The following RALGAPA1 variants were observed in gnomAD, a reference collection of about 807,000 sequenced individuals.
RALGAPA1 encodes ral GTPase-activating protein subunit alpha-1.
In RALGAPA1, 52 loss-of-function variants were observed where a neutral mutation model predicts 269.6. The observed-to-expected ratio is 0.19, with a 90% confidence interval of 0.15 to 0.24. The LOEUF (loss-of-function observed/expected upper bound fraction) is 0.24, where lower values mean the gene tolerates loss of function less well. RALGAPA1 is among the 10% of genes least tolerant of loss of function. RALGAPA1 has a pLI of 1.00. For missense variants in RALGAPA1, 1,917 were observed against 3,013.9 expected, an observed-to-expected ratio of 0.64 and a Z score of 8.52; for synonymous variants, 817 against 1,008.3, an observed-to-expected ratio of 0.81 and a Z score of 3.60.
intron 35 of RALGAPA1, among the ~76,000 whole-genome samples, chr14:35,616,581 T>C (rs1233585889): frequency 6.6e-6 from 1 of 152,196 alleles, no homozygotes; most frequent in East Asian, 1.9e-4. Context: ...AACTTTGGAC[T>C]TCAGACACTA....
intron 1 of RALGAPA1, among the ~76,000 whole-genome samples, chr14:35,779,248 G>A (rs971836046): frequency 1.3e-5 from 2 of 152,094 alleles, no homozygotes; most frequent in Non-Finnish European, 2.9e-5. Flanking sequence ...GGCTTGGGCT[G>A]GGCAAGGTGG....
intron 10 of RALGAPA1, among the ~76,000 whole-genome samples, chr14:35,744,949 T>C (rs753347466): frequency 6.6e-6 from 1 of 152,190 alleles, no homozygotes; most frequent in Non-Finnish European, 1.5e-5. Flanking sequence ...AAAATAAAAT[T>C]TAATAATCTT....
At chr14:35,562,907 G>A (rs1488305932) in intron 39 of RALGAPA1, among the ~76,000 whole-genome samples, 1 of 151,138 alleles carries the variant, frequency 6.6e-6, no homozygotes, top group Non-Finnish European at 1.5e-5. Flanking sequence ...TGTAGTCCCA[G>A]CGACTCGGGA....
At chr14:35,699,413 T>C (rs1279965353) in intron 17 of RALGAPA1, among the ~76,000 whole-genome samples, 2 of 152,096 alleles carry the variant, frequency 1.3e-5, no homozygotes, top group African/African-American at 4.8e-5. Context: ...TAGGGGTATG[T>C]ACAATTTTCA....
Position 35,671,467 on chromosome 14 carries a change from A to G in RALGAPA1, c.5124T>C (p.Leu1708=). The change falls in exon 26 of 42, where the codon CTT becomes CTC. Residue 1708 remains leucine, a synonymous_variant. Coordinates refer to ENST00000680220, the MANE Select transcript of RALGAPA1 (RefSeq NM_001346249.2). ...TAAGCATTGTGGCACCAGGCAAACC[A>G]AGTGAAAAAAATTGAGGTGAGCAGT... ...IKHCSPQFFS[L]GLPGATMLIM... The G allele has an allele frequency of 6.2e-7, 1 of 1,604,638 alleles. No individual in the cohort carries two copies. The highest frequency in any genetic ancestry group is 8.5e-7 in the Non-Finnish European group (1 of 1,171,660).
chr14:35,760,779 C>T, intron 6 of RALGAPA1, 50 bp downstream of exon 6: 4 of 1,375,388 alleles, frequency 2.9e-6, no homozygotes, highest in Non-Finnish European at 4.1e-6. Flanking sequence ...CACTAAGAGA[C>T]TACATAGAGA....
chr14:35,651,729 C>CCTTTAATTTAAATACCTTTAAATTTTAA, intron 31 of RALGAPA1, 76 bp downstream of exon 31: 1 of 1,329,676 alleles, frequency 7.5e-7, no homozygotes, highest in East Asian at 2.5e-5. Flanking sequence ...TGTAAATATA[C>CCTTTAATTTAAATACCTTTAAATTTTAA]ATACCTTTAA....
intron 11 of RALGAPA1, among the ~76,000 whole-genome samples, chr14:35,739,589 A>G (rs757109451): frequency 1.3e-5 from 2 of 152,094 alleles, no homozygotes; most frequent in Non-Finnish European, 2.9e-5. Context: ...GCCATCACCA[A>G]ACTTGAGCTG....
At position 35,625,400 on chromosome 14, in the gene RALGAPA1, T is replaced by A; in HGVS notation, c.6890A>T (p.Lys2297Met). 1 of 1,611,320 alleles carries A rather than the reference T, an allele frequency of 6.2e-7. No homozygotes were observed. Among genetic ancestry groups the A allele is most frequent in the Non-Finnish European group, 8.5e-7 (1 of 1,179,086 alleles). The change falls in exon 35 of 42, where the codon AAG (lysine) becomes ATG (methionine). Residue 2297 changes from lysine to methionine, a missense_variant. This residue lies in a region of RALGAPA1 where 132 missense variants were observed against 271.2 expected (regional missense o/e 0.49). Transcript: ENST00000680220. ...RSFHLLKKNE[K>M]LLRELRNLDS... ...CAAGTTCCTAAGTTCTCTAAGTAGC[T>A]TTTCATTTTTCTTCAGGAGATGAAA...
At chr14:35,698,814 A>C (rs2067108919) in intron 17 of RALGAPA1, among the ~76,000 whole-genome samples, 1 of 152,202 alleles carries the variant, frequency 6.6e-6, no homozygotes, top group Non-Finnish European at 1.5e-5. Flanking sequence ...GTAAGCAACC[A>C]AAATCTGTGC....
chr14:35,581,655 T>C (rs998886469), intron 37 of RALGAPA1, among the ~76,000 whole-genome samples: 2 of 152,070 alleles, frequency 1.3e-5, no homozygotes, highest in East Asian at 1.9e-4. Context: ...AGAAGGGAAA[T>C]ACAAGTCAAA....
Position 35,574,465 on chromosome 14 carries a change from C to A in RALGAPA1, c.7210-1747G>T, listed in dbSNP as rs982203350. On this transcript the variant is annotated intron_variant, in intron 37 of 41. Transcript: ENST00000680220. ...AAGATTTCTGGCACAGAACCATGTA[C>A]ATAACAAAGTCATTCTAAACATGTT... Among the ~76,000 whole-genome samples the A allele has an allele frequency of 3.3e-5, 5 of 152,276 alleles. No homozygotes were observed. The East Asian group carries it at 7.7e-4, about 23-fold the overall frequency.
At chr14:35,707,877 A>G (rs978072956) in intron 16 of RALGAPA1, among the ~76,000 whole-genome samples, 4 of 152,098 alleles carry the variant, frequency 2.6e-5, no homozygotes, top group Non-Finnish European at 4.4e-5. Context: ...ATCAAATTTA[A>G]TTCTTTTATC....
At chr14:35,650,472 T>A (rs1213202474) in intron 31 of RALGAPA1, among the ~76,000 whole-genome samples, 2 of 152,116 alleles carry the variant, frequency 1.3e-5, no homozygotes, top group Non-Finnish European at 2.9e-5. Flanking sequence ...TGATAAAGTA[T>A]TTATCAAGAG....
chr14:35,746,547 G>A (rs1236734559), intron 10 of RALGAPA1, among the ~76,000 whole-genome samples: 1 of 152,014 alleles, frequency 6.6e-6, no homozygotes, highest in African/African-American at 2.4e-5. Context: ...TATTTGTCGG[G>A]TATACCTCAA....
intron 35 of RALGAPA1, among the ~76,000 whole-genome samples, chr14:35,613,566 T>C (rs1252591376): frequency 6.6e-6 from 1 of 152,216 alleles, no homozygotes; most frequent in Non-Finnish European, 1.5e-5. Flanking sequence ...TAGGGGAGCA[T>C]CCTTCCTTGC....
chr14:35,679,656 T>C (rs956183845), intron 21 of RALGAPA1, among the ~76,000 whole-genome samples: 6 of 152,174 alleles, frequency 3.9e-5, no homozygotes, highest in African/African-American at 9.7e-5. Flanking sequence ...CACTGTAAAG[T>C]TGAAAAATTG....
chr14:35,721,797 T>A lies in RALGAPA1; in HGVS notation c.2157A>T (p.Gly719=), dbSNP rs2069440139. Residue 719 remains glycine (G), a synonymous_variant, in exon 16 of 42, where the codon GGA becomes GGT. Transcript: ENST00000680220. ...KVSVDKSFSR[G]WSRDQPGQAP... ...CTTGGCCAGGCTGATCACGACTCCA[T>A]CCTCTAGAAAATGACTTGTCAACTG... is the stretch of plus-strand genomic sequence containing the variant. 4 of 1,613,116 alleles carry A rather than the reference T, an allele frequency of 2.5e-6. No individual in the cohort carries two copies. The highest frequency in any genetic ancestry group is 3.4e-6 in the Non-Finnish European group (4 of 1,179,158).
intron 1 of RALGAPA1, among the ~76,000 whole-genome samples, chr14:35,800,013 TA>T (rs1412807230): frequency 2.6e-5 from 4 of 152,172 alleles, no homozygotes; most frequent in Non-Finnish European, 5.9e-5. Context: ...TTCAAAATGA[TA>T]AAGAAGTCAA....
Sources: allele counts gnomAD v4.1 joint callset (sites outside exome capture counted in the v4.1 genomes callset), GRCh38; gene constraint gnomAD v4.1.1; regional missense constraint gnomAD v4.1.1; transcripts MANE v1.5; gene names NCBI Gene and HGNC (gene_info 2026-07-23, HGNC 2026-07-21).